C12orf50: variants seen among roughly 807,000 people sequenced by gnomAD.
C12orf50 encodes the protein uncharacterized protein C12orf50.
Under a neutral mutation model 61.6 loss-of-function variants are expected in C12orf50, and 35 were observed. That is an observed-to-expected ratio of 0.57 (90% CI 0.43 to 0.75). The LOEUF (loss-of-function observed/expected upper bound fraction) is 0.75. Ranked by LOEUF, C12orf50 falls within the 30% of genes least tolerant of loss-of-function variation. The pLI is 0.00. For missense variants in C12orf50, 475 were observed against 488.5 expected (o/e 0.97, Z 0.26); for synonymous variants, 178 against 161.5 (o/e 1.10, Z -0.77).
intron 3 of C12orf50, among the ~76,000 whole-genome samples, chr12:87,999,637 A>G (rs890442993): frequency 1.3e-5 from 2 of 152,216 alleles, no homozygotes; most frequent in African/African-American, 4.8e-5. Flanking sequence ...ATATGGAGTC[A>G]TCACATGTCC....
At chr12:88,014,283 T>A (rs2032223289) in intron 3 of C12orf50, among the ~76,000 whole-genome samples, 1 of 140,646 alleles carries the variant, frequency 7.1e-6, no homozygotes. Flanking sequence ...TGTGAGATAC[T>A]TTTTTTAATT....
intron 11 of C12orf50, 86 bp from the exon 12 acceptor site, chr12:87,983,281 G>C (rs2030614137): frequency 1.3e-6 from 1 of 756,074 alleles, no homozygotes; most frequent in Admixed American, 2.7e-5. Flanking sequence ...CATCTCAGGG[G>C]TGAAGCTATT....
chr12:87,990,548 C>A (rs1483362651), intron 7 of C12orf50, among the ~76,000 whole-genome samples: 1 of 152,110 alleles, frequency 6.6e-6, no homozygotes. Flanking sequence ...GATTGGAAAA[C>A]AACCCAATGC....
At chr12:87,990,789 G>A (rs767165301) in intron 7 of C12orf50, among the ~76,000 whole-genome samples, 3 of 152,012 alleles carry the variant, frequency 2.0e-5, no homozygotes, top group South Asian at 2.1e-4. Flanking sequence ...AAATTGAGGG[G>A]GAAATGAAAA....
chr12:88,016,691 G>T (rs2136479444), intron 3 of C12orf50, among the ~76,000 whole-genome samples: 1 of 152,290 alleles, frequency 6.6e-6, no homozygotes, highest in Non-Finnish European at 1.5e-5. Flanking sequence ...GCCACTATGT[G>T]AGAGCCAGTA....
chr12:87,987,932 T>C lies in C12orf50; in HGVS notation c.735A>G (p.Leu245=). The C allele has an allele frequency of 6.2e-7, 1 of 1,610,924 alleles. No homozygotes were observed. Among genetic ancestry groups the C allele is most frequent in the Non-Finnish European group, 8.5e-7 (1 of 1,177,686 alleles). ...NKDSPHPKHS[L]TTRLVPTTHV... ...GCGTTGTAGGTACTAGTCGGGTAGT[T>C]AGGGAATGCTTTGGATGAGGACTGT... The change falls in exon 9 of 13, where the codon CTA becomes CTG. Residue 245 remains leucine, a synonymous_variant. Coordinates refer to ENST00000298699, the MANE Select transcript of C12orf50 (RefSeq NM_152589.3).
chr12:87,982,573 G>C (rs1472932370), intron 12 of C12orf50, among the ~76,000 whole-genome samples: 6 of 152,060 alleles, frequency 3.9e-5, no homozygotes, highest in Non-Finnish European at 7.4e-5. Flanking sequence ...TGAGGTCAGG[G>C]ATACAACAAA....
intron 3 of C12orf50, among the ~76,000 whole-genome samples, chr12:88,012,403 A>T (rs897071064): frequency 6.6e-6 from 1 of 152,316 alleles, no homozygotes; most frequent in Middle Eastern, 3.4e-3. Context: ...GTATAAACGA[A>T]TTATTTATAA....
At chr12:87,985,544 T>C (rs147490724) in intron 11 of C12orf50, 60 of 317,038 alleles carry the variant, frequency 1.9e-4, no homozygotes, top group African/African-American at 9.7e-4. Context: ...ATGTCAGCCA[T>C]TCAAAAACAG....
chr12:88,018,505 C>A (rs1335218615), intron 3 of C12orf50, among the ~76,000 whole-genome samples: 1 of 152,216 alleles, frequency 6.6e-6, no homozygotes, highest in Non-Finnish European at 1.5e-5. Flanking sequence ...AGAGCTGCTA[C>A]ACAAAGTCCC....
At chr12:88,000,165 A>T (rs1168514596) in intron 3 of C12orf50, among the ~76,000 whole-genome samples, 1 of 151,056 alleles carries the variant, frequency 6.6e-6, no homozygotes, top group African/African-American at 2.4e-5. Context: ...TCCAAAATGG[A>T]ATATTGTTCT....
At chr12:88,022,536 A>T (rs2032555168) in intron 3 of C12orf50, among the ~76,000 whole-genome samples, 1 of 152,192 alleles carries the variant, frequency 6.6e-6, no homozygotes, top group Non-Finnish European at 1.5e-5. Flanking sequence ...AAGAAAAGAC[A>T]TCCAAATAGG....
intron 3 of C12orf50, among the ~76,000 whole-genome samples, chr12:88,002,982 T>A (rs980216444): frequency 6.6e-6 from 1 of 151,918 alleles, no homozygotes; most frequent in Admixed American, 6.6e-5. Context: ...CTTTCTGTGC[T>A]ACTATTGTAA....
intron 3 of C12orf50, among the ~76,000 whole-genome samples, chr12:87,999,911 A>T (rs2031581428): frequency 6.6e-6 from 1 of 152,172 alleles, no homozygotes; most frequent in Admixed American, 6.6e-5. Flanking sequence ...TGCTAAGAGG[A>T]AAAAGTCATT....
chr12:87,997,878 G>A (rs2031480790), intron 4 of C12orf50, among the ~76,000 whole-genome samples, 157 bp downstream of exon 4: 1 of 152,068 alleles, frequency 6.6e-6, no homozygotes, highest in African/African-American at 2.4e-5. Context: ...TAGCAAATTA[G>A]AACATAATGA....
chr12:88,009,246 G>A (rs1310906235), intron 3 of C12orf50, among the ~76,000 whole-genome samples: 6 of 151,846 alleles, frequency 4.0e-5, no homozygotes, highest in Admixed American at 1.3e-4. Flanking sequence ...CAAAGTACTC[G>A]TATCCGTTTA....
At position 87,998,137 on chromosome 12, in the gene C12orf50, G is replaced by T; in HGVS notation, c.187C>A (p.Gln63Lys). ...TTTTCCTGAGGTTTCAGAGGTTCTTGACTCTGGGACTGGAGTGGAATTCCT... is the reference window on the plus strand; with the variant it reads ...TTTTCCTGAGGTTTCAGAGGTTCTTTACTCTGGGACTGGAGTGGAATTCCT... The part of the protein sequence containing the change: ...QEGIPLQSQS[Q>K]EPLKPQENIS... The change falls in exon 4 of 13, where the codon CAA becomes AAA. Residue 63 changes from glutamine to lysine, a missense_variant. Coordinates refer to ENST00000298699, the MANE Select transcript of C12orf50 (RefSeq NM_152589.3). The T allele has an allele frequency of 6.2e-7, 1 of 1,612,458 alleles. No individual in the cohort carries two copies. Among genetic ancestry groups the T allele is most frequent in the Non-Finnish European group, 8.5e-7 (1 of 1,178,832 alleles).
At position 87,980,295 on chromosome 12, in the gene C12orf50, A is replaced by AT. The variant is rs113437429; in HGVS notation, c.*35dup. 5.2e-3 allele frequency: 8,357 copies of AT among 1,595,150 alleles called. 381 individuals are homozygous for AT. The African/African-American group carries it at 0.097, about 19-fold the overall frequency. On this transcript the variant is annotated 3_prime_UTR_variant, in exon 13 of 13. Coordinates refer to ENST00000298699, the MANE Select transcript of C12orf50 (RefSeq NM_152589.3). ...ATTGTAAATCAGATGATGTCTGGCAATTTTTTCTCATTTTTCTCTCTCTCA... is the reference window on the plus strand; with the variant it reads ...ATTGTAAATCAGATGATGTCTGGCAATTTTTTTCTCATTTTTCTCTCTCTCA...
intron 12 of C12orf50, among the ~76,000 whole-genome samples, chr12:87,981,815 C>A (rs1230300242): frequency 1.3e-5 from 2 of 152,060 alleles, no homozygotes; most frequent in Non-Finnish European, 1.5e-5. Flanking sequence ...TGTCTCCAGT[C>A]CTCTCATATT....
Sources: allele counts gnomAD v4.1 joint callset (sites outside exome capture counted in the v4.1 genomes callset), GRCh38; gene constraint gnomAD v4.1.1; transcripts MANE v1.5; gene names NCBI Gene and HGNC (gene_info 2026-07-23, HGNC 2026-07-21).